Variants in ADGRL2 observed in about 807,000 individuals in gnomAD.
ADGRL2 encodes the protein adhesion G protein-coupled receptor L2, also known as calcium-independent alpha-latrotoxin receptor 2.
In ADGRL2, 44 loss-of-function variants were observed where a neutral mutation model predicts 157.4. That is an observed-to-expected ratio of 0.28 (90% CI 0.22 to 0.36). The LOEUF is 0.36. ADGRL2 is among the 10% of genes least tolerant of loss of function. The pLI is 1.00. For missense variants in ADGRL2, 1,510 were observed against 1,768.9 expected, an observed-to-expected ratio of 0.85 and a Z score of 2.63; for synonymous variants, 585 against 624.7, an observed-to-expected ratio of 0.94 and a Z score of 0.95.
At position 81,971,859 on chromosome 1, in the gene ADGRL2, C is replaced by G. The variant is rs1198882685; in HGVS notation, c.2962C>G (p.Leu988Val). ...CTTCTCTTTTCATAATAGTTGCTGG[C>G]TTCATGTTGATAACTACTTTATATG... The part of the protein sequence containing the change: ...KSYGTEKACW[L>V]HVDNYFIWSF... Residue 988 changes from leucine (L) to valine (V), a missense_variant, in exon 17 of 24, where the codon CTT (leucine) becomes GTT (valine). This residue lies in a region of ADGRL2 where 497 missense variants were observed against 627.2 expected (regional missense o/e 0.79). Coordinates refer to ENST00000686636, the MANE Select transcript of ADGRL2 (RefSeq NM_001366006.2). 5 of 1,601,078 alleles carry G rather than the reference C, an allele frequency of 3.1e-6. No individual in the cohort carries two copies. Among genetic ancestry groups the G allele is most frequent in the Non-Finnish European group, 4.3e-6 (5 of 1,169,456 alleles).
intron 1 of ADGRL2, among the ~76,000 whole-genome samples, chr1:81,332,940 T>C (rs562348595): frequency 1.3e-5 from 2 of 152,360 alleles, no homozygotes; most frequent in African/African-American, 4.8e-5. Context: ...TGTGATATTT[T>C]ACACTGAGAT....
intron 2 of ADGRL2, among the ~76,000 whole-genome samples, chr1:81,792,447 GACATAT>G (rs2149423033): frequency 6.6e-6 from 1 of 152,060 alleles, no homozygotes; most frequent in East Asian, 1.9e-4. Context: ...TATAGATGCA[GACATAT>G]ACATATACAT....
intron 6 of ADGRL2, among the ~76,000 whole-genome samples, chr1:81,948,940 G>A (rs1650857495): frequency 6.6e-6 from 1 of 152,128 alleles, no homozygotes; most frequent in African/African-American, 2.4e-5. Context: ...TTTACTGTCA[G>A]TAGTGTCAGA....
chr1:81,941,993 T>C (rs1420876032), intron 4 of ADGRL2, 41 bp from the exon 5 acceptor site: 1 of 763,198 alleles, frequency 1.3e-6, no homozygotes. Context: ...CTTTTTTCCT[T>C]GCACCTTTTT....
chr1:81,819,858 G>A (rs2090805699), intron 1 of ADGRL2, among the ~76,000 whole-genome samples: 1 of 152,070 alleles, frequency 6.6e-6, no homozygotes, highest in East Asian at 1.9e-4. Context: ...TTAGATACCA[G>A]CCTGCCCCTT....
intron 2 of ADGRL2, among the ~76,000 whole-genome samples, chr1:81,903,070 A>C (rs988664261): frequency 6.6e-6 from 1 of 152,228 alleles, no homozygotes; most frequent in Admixed American, 6.5e-5. Context: ...AGATTGAGGA[A>C]ATTTTATAAG....
chr1:81,622,704 A>G (rs1469710325), intron 3 of ADGRL2, among the ~76,000 whole-genome samples: 1 of 152,216 alleles, frequency 6.6e-6, no homozygotes, highest in East Asian at 1.9e-4. Flanking sequence ...ACAGTGAGCT[A>G]TAATTGTGCC....
At chr1:81,601,289 ATTTG>A (rs1215438515) in intron 3 of ADGRL2, among the ~76,000 whole-genome samples, 3 of 151,982 alleles carry the variant, frequency 2.0e-5, no homozygotes, top group Non-Finnish European at 2.9e-5. Flanking sequence ...GAGTCTTTTA[ATTTG>A]TTTGTGATGT....
At chr1:81,687,922 T>C (rs1234265300) in intron 3 of ADGRL2, among the ~76,000 whole-genome samples, 5 of 152,214 alleles carry the variant, frequency 3.3e-5, no homozygotes, top group African/African-American at 1.2e-4. Flanking sequence ...TTCCTTCTTA[T>C]ATGATGCTTA....
At chr1:81,372,662 A>T (rs2076180989) in intron 1 of ADGRL2, among the ~76,000 whole-genome samples, 2 of 152,142 alleles carry the variant, frequency 1.3e-5, no homozygotes, top group South Asian at 2.1e-4. Flanking sequence ...TTAAAGTACG[A>T]ATTTTCTGTT....
chr1:81,402,369 T>G (rs2076772156), intron 1 of ADGRL2, among the ~76,000 whole-genome samples: 1 of 152,146 alleles, frequency 6.6e-6, no homozygotes, highest in Non-Finnish European at 1.5e-5. Context: ...AGAAAGTGCT[T>G]CCGTGATTAA....
rs150947107 is a variant in ADGRL2 at position 81,342,423 on chromosome 1, A to G, written c.-302+35914A>G. 2.0e-4 allele frequency among the ~76,000 whole-genome samples: 31 copies of G among 152,244 alleles called. No individual in the cohort carries two copies. The East Asian group carries it at 4.3e-3, about 21-fold the overall frequency. On this transcript the variant is annotated intron_variant, in intron 1 of 24. Coordinates refer to the ADGRL2 transcript ENST00000370721. The stretch of plus-strand genomic sequence containing the variant: ...TTTTTTATGATCTTGAAAGAAATCA[A>G]TTGGTCTTGTCTGAATTTGGCTGTG...
intron 1 of ADGRL2, among the ~76,000 whole-genome samples, chr1:81,330,415 C>T (rs1444962819): frequency 6.6e-6 from 1 of 152,070 alleles, no homozygotes; most frequent in Non-Finnish European, 1.5e-5. Flanking sequence ...ATGCACACTT[C>T]CTTGGGGAAT....
Position 81,600,924 on chromosome 1 carries a change from A to C in ADGRL2, c.-143+19944A>C, listed in dbSNP as rs190269659. The stretch of plus-strand genomic sequence containing the variant: ...GCTTGGATCTATCATCTAAAGTCTT[A>C]AATCATATTCATTCAGTGCCATGTT... On this transcript the variant is annotated intron_variant, in intron 3 of 24. Transcript: ENST00000370721. Among the ~76,000 whole-genome samples, 107 of 152,318 alleles carry C rather than the reference A, an allele frequency of 7.0e-4. 2 individuals carry two copies. The highest frequency in any genetic ancestry group is 1.6e-4 in the Non-Finnish European group (11 of 68,034).
chr1:81,515,976 T>A (rs61454156), intron 2 of ADGRL2, among the ~76,000 whole-genome samples: 1,979 of 152,344 alleles, frequency 0.013, 37 homozygotes, highest in African/African-American at 0.045. Context: ...CTTCATGGTA[T>A]TCCATTGTCA....
chr1:81,789,882 GC>G (rs2087249262), intron 2 of ADGRL2, among the ~76,000 whole-genome samples: 1 of 151,990 alleles, frequency 6.6e-6, no homozygotes, highest in African/African-American at 2.4e-5. Flanking sequence ...GGTTAAAAAG[GC>G]TTTTTGGTTG....
At chr1:81,550,807 C>CCGTT (rs2080127396) in intron 2 of ADGRL2, among the ~76,000 whole-genome samples, 1 of 151,588 alleles carries the variant, frequency 6.6e-6, no homozygotes, top group Admixed American at 6.6e-5. Context: ...TATATGCTTT[C>CCGTT]CGTTCTACCC....
intron 1 of ADGRL2, among the ~76,000 whole-genome samples, chr1:81,356,994 C>G (rs1255300219): frequency 7.2e-6 from 1 of 138,878 alleles, no homozygotes; most frequent in Non-Finnish European, 1.6e-5. Context: ...CCTTTTAAAG[C>G]TCATTAAGAA....
At chr1:81,625,784 T>C (rs2081897647) in intron 3 of ADGRL2, 1 of 152,204 alleles carries the variant, frequency 6.6e-6, no homozygotes, top group African/African-American at 2.4e-5. Flanking sequence ...CAACATCAAA[T>C]AGTCTACATT....
Sources: gnomAD v4.1 joint callset for allele counts (sites outside exome capture counted in the v4.1 genomes callset) on GRCh38, gnomAD v4.1.1 for gene constraint, gnomAD v4.1.1 regional missense constraint, MANE v1.5 for transcripts, NCBI Gene and HGNC (gene_info 2026-07-23, HGNC 2026-07-21) for gene names.